MARCHF5: variants seen among roughly 807,000 people sequenced by gnomAD.
MARCHF5 encodes the protein E3 ubiquitin-protein ligase MARCHF5.
A neutral mutation model predicts 36.5 loss-of-function variants in MARCHF5; 5 were observed. The observed-to-expected ratio is 0.14, with a 90% CI of 0.07 to 0.29. The LOEUF is 0.29. MARCHF5 is among the 10% of genes least tolerant of loss of function. The pLI is 1.00. For missense variants in MARCHF5, 179 were observed against 336.3 expected (o/e 0.53, Z 3.66); for synonymous variants, 103 against 109.9 (o/e 0.94, Z 0.39).
rs890297645 is a variant in MARCHF5, at chr10:92,352,353, T to C, written c.*1146T>C. 9 of 152,238 alleles carry C rather than the reference T, an allele frequency of 5.9e-5. No individual in the cohort carries two copies. Among genetic ancestry groups the C allele is most frequent in the East Asian group, 1.9e-4 (1 of 5,200 alleles). 9.4% of individuals were successfully genotyped at this position (152,238 alleles called of 1,614,324 possible). On this transcript the variant is annotated 3_prime_UTR_variant, in exon 6 of 6. Coordinates refer to ENST00000358935, the MANE Select transcript of MARCHF5 (RefSeq NM_017824.5). ...GGTCATTGTTTTTGGCTTAAGTTTA[T>C]TATAGAAAATCAACACTAATGTTTT...
intron 2 of MARCHF5, among the ~76,000 whole-genome samples, chr10:92,331,773 A>G (rs1802135933): frequency 6.6e-6 from 1 of 150,866 alleles, no homozygotes; most frequent in African/African-American, 2.4e-5. Flanking sequence ...GGTGATCTTC[A>G]GTGATTAATC....
rs1256361684 is a variant in MARCHF5 at position 92,343,339 on chromosome 10, C to T, written c.369+2536C>T. On this transcript the variant is annotated intron_variant, in intron 3 of 5. Transcript: ENST00000358935. ...CCTGCCTGCTGTGATTCCTTCTTCC[C>T]CCACATTCATGACATTTTTATTCCT... Among the ~76,000 whole-genome samples, 13 of 152,322 alleles carry T rather than the reference C, an allele frequency of 8.5e-5. No homozygotes were observed. The South Asian group carries it at 2.7e-3, about 32-fold the overall frequency.
intron 2 of MARCHF5, among the ~76,000 whole-genome samples, chr10:92,320,777 C>T (rs1843281028): frequency 1.3e-5 from 2 of 151,834 alleles, no homozygotes; most frequent in Non-Finnish European, 2.9e-5. Flanking sequence ...TTACAGTAAG[C>T]TAAGGTTAAT....
At chr10:92,348,231 G>A (rs1168222032) in intron 3 of MARCHF5, among the ~76,000 whole-genome samples, 2 of 149,792 alleles carry the variant, frequency 1.3e-5, no homozygotes, top group Admixed American at 6.7e-5. Context: ...GCTCGCGCCT[G>A]TAATCCCAGC....
At chr10:92,323,193 C>T (rs1843312490) in intron 2 of MARCHF5, among the ~76,000 whole-genome samples, 1 of 152,114 alleles carries the variant, frequency 6.6e-6, no homozygotes, top group Non-Finnish European at 1.5e-5. Context: ...AGGTGTATGC[C>T]ACTGCACCCA....
At chr10:92,312,930 A>G (rs1843162800) in intron 2 of MARCHF5, among the ~76,000 whole-genome samples, 1 of 152,226 alleles carries the variant, frequency 6.6e-6, no homozygotes, top group African/African-American at 2.4e-5. Context: ...AAGTCTACCT[A>G]GTTGTTAGAA....
chr10:92,347,512 A>T (rs1268151834), intron 3 of MARCHF5, among the ~76,000 whole-genome samples: 1 of 42,182 alleles, frequency 2.4e-5, no homozygotes, highest in Non-Finnish European at 5.2e-5. Flanking sequence ...ATAGATAGAT[A>T]GATAGATAGA....
At chr10:92,303,935 C>T (rs1431446367) in intron 1 of MARCHF5, among the ~76,000 whole-genome samples, 2 of 152,128 alleles carry the variant, frequency 1.3e-5, no homozygotes, top group Non-Finnish European at 2.9e-5. Context: ...CTTCCCAGAT[C>T]TCCTTTTGCT....
At chr10:92,348,286 C>T (rs1336637212) in intron 3 of MARCHF5, among the ~76,000 whole-genome samples, 3 of 151,870 alleles carry the variant, frequency 2.0e-5, no homozygotes, top group East Asian at 1.9e-4. Flanking sequence ...GTCAGGAGTT[C>T]GAGACCAACC....
At chr10:92,344,709 G>C (rs927039748) in intron 3 of MARCHF5, among the ~76,000 whole-genome samples, 17 of 152,176 alleles carry the variant, frequency 1.1e-4, no homozygotes, top group African/African-American at 3.9e-4. Flanking sequence ...CAAGGAATCA[G>C]ATCACTGTTA....
intron 3 of MARCHF5, among the ~76,000 whole-genome samples, chr10:92,344,893 C>A (rs1590668375): frequency 6.6e-6 from 1 of 152,206 alleles, no homozygotes; most frequent in South Asian, 2.1e-4. Flanking sequence ...TTAACCCTTG[C>A]AACAATTTTA....
intron 2 of MARCHF5, among the ~76,000 whole-genome samples, chr10:92,333,961 G>A (rs1424287438): frequency 6.6e-6 from 1 of 152,084 alleles, no homozygotes; most frequent in African/African-American, 2.4e-5. Flanking sequence ...AGGCCGAGGC[G>A]GGTGGATCAT....
intron 2 of MARCHF5, among the ~76,000 whole-genome samples, 160 bp from the exon 3 acceptor site, chr10:92,340,513 A>G (rs186596761): frequency 2.0e-5 from 3 of 152,382 alleles, no homozygotes; most frequent in Admixed American, 2.0e-4. Flanking sequence ...TTGAGGCTGT[A>G]GTGAGCTATG....
chr10:92,336,063 T>C (rs1843498795), intron 2 of MARCHF5, among the ~76,000 whole-genome samples: 1 of 152,162 alleles, frequency 6.6e-6, no homozygotes, highest in South Asian at 2.1e-4. Flanking sequence ...GAGACGGAGT[T>C]TCGCTCTTGT....
chr10:92,310,887 A>G (rs1843136460), intron 1 of MARCHF5, among the ~76,000 whole-genome samples: 1 of 152,214 alleles, frequency 6.6e-6, no homozygotes, highest in Non-Finnish European at 1.5e-5. Context: ...CTGAAAAGAT[A>G]GAGGAGATTA....
At chr10:92,305,392 G>A (rs1052289624) in intron 1 of MARCHF5, among the ~76,000 whole-genome samples, 10 of 150,946 alleles carry the variant, frequency 6.6e-5, no homozygotes, top group African/African-American at 2.5e-4. Flanking sequence ...GGACAACAGA[G>A]CGAGACTCCG....
intron 2 of MARCHF5, among the ~76,000 whole-genome samples, chr10:92,313,596 C>T (rs1382217065): frequency 5.3e-5 from 8 of 150,676 alleles, no homozygotes; most frequent in Middle Eastern, 3.5e-3. Context: ...TAGAGCGAGA[C>T]GCCGTGCTAA....
At chr10:92,311,395 T>G (rs1489856678) in intron 2 of MARCHF5, 58 bp downstream of exon 2, 1 of 1,207,536 alleles carries the variant, frequency 8.3e-7, no homozygotes. Context: ...TATAACTTTA[T>G]AAGTTCATTT....
chr10:92,309,813 G>T (rs1843123316), intron 1 of MARCHF5, among the ~76,000 whole-genome samples: 1 of 152,024 alleles, frequency 6.6e-6, no homozygotes, highest in African/African-American at 2.4e-5. Context: ...TTTATGCTAT[G>T]TCTATTTGAC....
Sources: allele counts gnomAD v4.1 joint callset (sites outside exome capture counted in the v4.1 genomes callset), GRCh38; gene constraint gnomAD v4.1.1; transcripts MANE v1.5; gene names NCBI Gene and HGNC (gene_info 2026-07-23, HGNC 2026-07-21).